SIAH1: variants seen among roughly 807,000 people sequenced by gnomAD.
SIAH1 encodes E3 ubiquitin-protein ligase SIAH1.
In SIAH1, 2 loss-of-function variants were observed where a neutral mutation model predicts 20.0. The ratio of observed to expected loss-of-function variants is 0.10; its 90% confidence interval spans 0.04 to 0.31. The LOEUF (loss-of-function observed/expected upper bound fraction) is 0.31, where lower values mean the gene tolerates loss of function less well. Ranked by LOEUF, SIAH1 falls within the 10% of genes least tolerant of loss-of-function variation. The pLI is 1.00. For missense variants in SIAH1, 119 were observed against 355.3 expected, an observed-to-expected ratio of 0.33 and a Z score of 5.35; for synonymous variants, 118 against 125.3, an observed-to-expected ratio of 0.94 and a Z score of 0.39.
At chr16:48,385,947 C>T (rs974551883), upstream of SIAH1, among the ~76,000 whole-genome samples, 7 of 152,196 alleles carry the variant, frequency 4.6e-5, no homozygotes, top group Admixed American at 2.0e-4. Context: ...AAGAGAGTCC[C>T]AGCCTCTCCC....
intron 1 of SIAH1, among the ~76,000 whole-genome samples, chr16:48,384,198 G>A (rs913584376): frequency 2.0e-5 from 3 of 152,152 alleles, no homozygotes; most frequent in Non-Finnish European, 4.4e-5. Context: ...ATGCTCAACT[G>A]CTAGGAAGGG....
rs1025511261 is a variant in SIAH1, at chr16:48,360,848, A to G, written c.*732T>C. On this transcript the variant is annotated 3_prime_UTR_variant, in exon 2 of 2. Transcript: ENST00000394725. ...AGAGAGCACCTTATAGATGCTTTAA[A>G]TAGCTTTTGATTATTTTTCCGATGT... is the stretch of plus-strand genomic sequence containing the variant. 1 of 152,290 alleles carries G rather than the reference A, an allele frequency of 6.6e-6. No individual in the cohort carries two copies. Among genetic ancestry groups the G allele is most frequent in the Non-Finnish European group, 1.5e-5 (1 of 68,042 alleles). The allele number at this position is 152,290 out of a possible 1,614,324, so 9.4% of individuals were successfully genotyped here.
intron 1 of SIAH1, among the ~76,000 whole-genome samples, chr16:48,367,023 C>G (rs1176007316): frequency 6.6e-6 from 1 of 152,078 alleles, no homozygotes; most frequent in African/African-American, 2.4e-5. Flanking sequence ...CCTCCCACCT[C>G]AATCTCCCCA....
chr16:48,363,457 G>A (rs1960691229), intron 1 of SIAH1: 1 of 167,080 alleles, frequency 6.0e-6, no homozygotes. Flanking sequence ...CACAACTAAG[G>A]TGAAGTGAGG....
intron 1 of SIAH1, among the ~76,000 whole-genome samples, chr16:48,379,684 AAATTAT>A (rs1370734336): frequency 1.3e-5 from 2 of 152,208 alleles, no homozygotes; most frequent in African/African-American, 4.8e-5. Flanking sequence ...AACTAAAGAA[AAATTAT>A]AATTCAGGAG....
intron 1 of SIAH1, among the ~76,000 whole-genome samples, chr16:48,384,307 G>T (rs150876465): frequency 6.6e-6 from 1 of 152,032 alleles, no homozygotes; most frequent in South Asian, 2.1e-4. Flanking sequence ...CTGATTTTCC[G>T]AACACCCAAG....
intron 1 of SIAH1, among the ~76,000 whole-genome samples, chr16:48,379,208 T>C (rs1430629320): frequency 6.6e-6 from 1 of 151,884 alleles, no homozygotes; most frequent in Non-Finnish European, 1.5e-5. Context: ...CACTTAATTA[T>C]ACTGACACTC....
chr16:48,382,713 A>C (rs1961330855), intron 1 of SIAH1, among the ~76,000 whole-genome samples: 1 of 152,222 alleles, frequency 6.6e-6, no homozygotes, highest in Non-Finnish European at 1.5e-5. Flanking sequence ...TCTAGATTTT[A>C]ACATTTCACA....
chr16:48,380,641 A>G (rs1961252380), intron 1 of SIAH1, among the ~76,000 whole-genome samples: 1 of 151,164 alleles, frequency 6.6e-6, no homozygotes, highest in African/African-American at 2.4e-5. Context: ...ATACCACTAC[A>G]GGCCAGGCGC....
chr16:48,369,067 C>G (rs1960918109), intron 1 of SIAH1, among the ~76,000 whole-genome samples: 1 of 152,070 alleles, frequency 6.6e-6, no homozygotes, highest in Non-Finnish European at 1.5e-5. Flanking sequence ...TACACAATGA[C>G]AAAATCAAAG....
In SIAH1 at chr16:48,361,420, A is replaced by G; in HGVS notation, c.*160T>C. ...TTTTTAAATATATTAGTGTTACTAC[A>G]TGCAACTGTTTCCTGTATTTAACAG... is the stretch of plus-strand genomic sequence containing the variant. On this transcript the variant is annotated 3_prime_UTR_variant, in exon 2 of 2. Coordinates refer to ENST00000394725, the MANE Select transcript of SIAH1 (RefSeq NM_003031.4). 1.5e-6 allele frequency: 1 copy of G among 655,048 alleles called. No homozygotes were observed. Among genetic ancestry groups the G allele is most frequent in the Non-Finnish European group, 2.6e-6 (1 of 382,078 alleles). The allele number at this position is 655,048 out of a possible 1,614,324, so 40.6% of individuals were successfully genotyped here.
At chr16:48,367,726 AACC>A (rs1472774647) in intron 1 of SIAH1, among the ~76,000 whole-genome samples, 1 of 152,222 alleles carries the variant, frequency 6.6e-6, no homozygotes, top group Non-Finnish European at 1.5e-5. Flanking sequence ...GCCAAGAATC[AACC>A]ACCATTTAAT....
chr16:48,376,833 C>G (rs896107856), intron 1 of SIAH1, among the ~76,000 whole-genome samples: 4 of 152,146 alleles, frequency 2.6e-5, no homozygotes, highest in Non-Finnish European at 5.9e-5. Context: ...GTAAAGCTAC[C>G]TTACCCAACA....
chr16:48,385,453 G>A (rs1961434053), upstream of SIAH1: 1 of 150,150 alleles, frequency 6.7e-6, no homozygotes, highest in South Asian at 2.1e-4. Context: ...ACACACTGCG[G>A]CGGCGGCCAT....
At chr16:48,372,453 T>G (rs1428320352) in intron 1 of SIAH1, among the ~76,000 whole-genome samples, 1 of 152,234 alleles carries the variant, frequency 6.6e-6, no homozygotes, top group East Asian at 1.9e-4. Flanking sequence ...TATTTTACTT[T>G]CATGTTTTTA....
chr16:48,384,734 G>C (rs1567379398), intron 1 of SIAH1, among the ~76,000 whole-genome samples: 1 of 151,174 alleles, frequency 6.6e-6, no homozygotes, highest in Non-Finnish European at 1.5e-5. Flanking sequence ...GGAGGAGGGG[G>C]AGGGAGGGCA....
Position 48,361,487 on chromosome 16 carries a change from C to T in SIAH1, c.*93G>A, listed in dbSNP as rs1005112359. 1.5e-6 allele frequency: 2 copies of T among 1,302,266 alleles called. No individual in the cohort carries two copies. The highest frequency in any genetic ancestry group is 1.5e-5 in the African/African-American group (1 of 68,656). 80.7% of individuals were successfully genotyped at this position (1,302,266 alleles called of 1,614,324 possible). A position where few individuals can be genotyped will look rare whatever the true frequency, so the allele number is the denominator to read the frequency against. ...CCTTCATGTGTCTAGCTTCCACCTACCGAAAGAGTTTTAGGTTGGCAGACA... is the reference window on the plus strand; with the variant it reads ...CCTTCATGTGTCTAGCTTCCACCTATCGAAAGAGTTTTAGGTTGGCAGACA... On this transcript the variant is annotated 3_prime_UTR_variant, in exon 2 of 2. Coordinates refer to ENST00000394725, the MANE Select transcript of SIAH1 (RefSeq NM_003031.4).
At chr16:48,386,682 G>A (rs3809685), upstream of SIAH1, among the ~76,000 whole-genome samples, 1 of 152,252 alleles carries the variant, frequency 6.6e-6, no homozygotes, top group Non-Finnish European at 1.5e-5. Flanking sequence ...CTCAGTACAC[G>A]GGAAGGTCAA....
rs759505146 is a variant in SIAH1, at chr16:48,361,633, G to A, written c.796C>T (p.Leu266Phe). ...CLVFDTSIAQ[L>F]FAENGNLGIN... The stretch of plus-strand genomic sequence containing the variant: ...CCTAAATTGCCATTTTCTGCAAAAA[G>A]CTGTGCAATGCTGGTGTCAAAGACT... Residue 266 changes from leucine (L) to phenylalanine (F), a missense_variant, in exon 2 of 2, where the codon CTT becomes TTT. By Grantham distance (22) the Leu-to-Phe change is conservative. Transcript: ENST00000394725. The A allele has an allele frequency of 6.2e-7, 1 of 1,612,744 alleles. No homozygotes were observed. Among genetic ancestry groups the A allele is most frequent in the Non-Finnish European group, 8.5e-7 (1 of 1,178,760 alleles).
Sources: gnomAD v4.1 joint callset for allele counts (sites outside exome capture counted in the v4.1 genomes callset) on GRCh38, gnomAD v4.1.1 for gene constraint, MANE v1.5 for transcripts, NCBI Gene and HGNC (gene_info 2026-07-23, HGNC 2026-07-21) for gene names.